Variants in FGF14 observed in about 807,000 individuals in gnomAD.
FGF14 encodes fibroblast growth factor homologous factor 4.
A neutral mutation model predicts 25.5 loss-of-function variants in FGF14; 5 were observed. The observed-to-expected ratio is 0.20, with a 90% CI of 0.10 to 0.41. The LOEUF (loss-of-function observed/expected upper bound fraction) is 0.41. Among genes scored for constraint, FGF14 ranks in the 10% least tolerant of loss-of-function variants. FGF14 has a pLI of 1.00. For synonymous variants in FGF14, 138 were observed against 118.3 expected (o/e 1.17, Z -1.08); for missense variants, 222 against 320.1 (o/e 0.69, Z 2.34).
At chr13:102,308,976 T>A (rs139957416) in intron 1 of FGF14, among the ~76,000 whole-genome samples, 3 of 147,998 alleles carry the variant, frequency 2.0e-5, no homozygotes, top group East Asian at 2.0e-4. Flanking sequence ...CTCCAAAGTA[T>A]CTGCAGAAAT....
chr13:102,387,058 A>G (rs1385872534), intron 1 of FGF14, among the ~76,000 whole-genome samples: 1 of 152,202 alleles, frequency 6.6e-6, no homozygotes, highest in African/African-American at 2.4e-5. Context: ...TATAAATACC[A>G]GTCTTATAAA....
intron 1 of FGF14, among the ~76,000 whole-genome samples, chr13:102,123,558 G>T (rs1439520106): frequency 1.3e-5 from 2 of 151,464 alleles, no homozygotes; most frequent in Non-Finnish European, 2.9e-5. Context: ...TTGAACCCAG[G>T]TGATCAAAAT....
chr13:101,793,217 T>A (rs34189458), intron 3 of FGF14, among the ~76,000 whole-genome samples: 6,506 of 152,224 alleles, frequency 0.043, 221 homozygotes, highest in African/African-American at 0.082. Flanking sequence ...TACCCTCTGT[T>A]TTCATGAGTG....
chr13:101,733,446 T>G (rs1594065207), intron 3 of FGF14, among the ~76,000 whole-genome samples: 1 of 152,016 alleles, frequency 6.6e-6, no homozygotes, highest in Non-Finnish European at 1.5e-5. Flanking sequence ...AATACCAAAA[T>G]TAGCTGGGCG....
chr13:101,726,667 C>G lies in FGF14; in HGVS notation c.552G>C (p.Gly184=), dbSNP rs1204741145. ...GLNKEGQAMK[G]NRVKKTKPAA... is the part of the protein sequence containing the mutation. ...CTGGTTTGGTTTTCTTTACTCTGTT[C>G]CCTTTCATAGCTTGCCCTTCCTTAT... The change falls in exon 4 of 5, where the codon GGG becomes GGC. Residue 184 remains glycine, a synonymous_variant. Transcript: ENST00000376143. The G allele has an allele frequency of 6.2e-7, 1 of 1,613,510 alleles. No homozygotes were observed. The highest frequency in any genetic ancestry group is 8.5e-7 in the Non-Finnish European group (1 of 1,179,682).
chr13:102,146,654 ATC>A (rs1275701682), intron 1 of FGF14, among the ~76,000 whole-genome samples: 1 of 152,180 alleles, frequency 6.6e-6, no homozygotes, highest in Non-Finnish European at 1.5e-5. Flanking sequence ...TCAATTCTGA[ATC>A]TCTTAACATC....
intron 1 of FGF14, among the ~76,000 whole-genome samples, chr13:102,059,603 C>A (rs2042586031): frequency 6.6e-6 from 1 of 152,208 alleles, no homozygotes; most frequent in Non-Finnish European, 1.5e-5. Context: ...GTAATCCCAG[C>A]ACTTTGGGAG....
chr13:102,318,989 C>G (rs1021184827), intron 1 of FGF14, among the ~76,000 whole-genome samples: 2 of 152,118 alleles, frequency 1.3e-5, no homozygotes, highest in Non-Finnish European at 2.9e-5. Flanking sequence ...TCATGATCAC[C>G]ATTGAGCATT....
chr13:101,935,983 T>C (rs954321710), intron 1 of FGF14, among the ~76,000 whole-genome samples: 1 of 152,190 alleles, frequency 6.6e-6, no homozygotes, highest in Non-Finnish European at 1.5e-5. Context: ...GACAGGTCAA[T>C]GAAGGGGAAA....
intron 1 of FGF14, among the ~76,000 whole-genome samples, chr13:102,375,901 T>C (rs182948555): frequency 6.6e-6 from 1 of 152,298 alleles, no homozygotes; most frequent in Non-Finnish European, 1.5e-5. Context: ...TTTGAATGTA[T>C]CTTCTTGAAT....
At chr13:102,062,490 C>T (rs1323116121) in intron 1 of FGF14, among the ~76,000 whole-genome samples, 2 of 152,010 alleles carry the variant, frequency 1.3e-5, no homozygotes, top group African/African-American at 4.8e-5. Context: ...ATACTCAAAC[C>T]CTTTTGTAAG....
chr13:102,401,352 G>A lies in FGF14; in HGVS notation c.208+119C>T, dbSNP rs2058700058. 7.5e-6 allele frequency: 7 copies of A among 933,198 alleles called. No homozygotes were observed. In the Admixed American group the frequency reaches 9.4e-5, roughly 13 times the overall value. The allele number at this position is 933,198 out of a possible 1,614,324, so 57.8% of individuals were successfully genotyped here. ...ATGCAACACCTCTATATGCAACACT[G>A]TCCTGGTTCCTGGTATGTTTCCCCT... is the stretch of plus-strand genomic sequence containing the variant. On this transcript the variant is annotated intron_variant, in intron 1 of 4. Transcript: ENST00000376131.
intron 1 of FGF14, among the ~76,000 whole-genome samples, chr13:102,161,626 AAGAAG>A (rs2047703264): frequency 2.8e-4 from 3 of 10,858 alleles, no homozygotes; most frequent in Non-Finnish European, 1.4e-4. Context: ...GAAGAAGAAG[AAGAAG>A]AAGAAGAAGA....
chr13:102,119,709 C>T (rs9554842), intron 1 of FGF14, among the ~76,000 whole-genome samples: 8,205 of 152,238 alleles, frequency 0.054, 846 homozygotes, highest in East Asian at 0.48. Flanking sequence ...TGTGCACACA[C>T]GTGTGTTCCC....
chr13:102,342,332 C>A (rs1018217460), intron 1 of FGF14, among the ~76,000 whole-genome samples: 2 of 152,000 alleles, frequency 1.3e-5, no homozygotes, highest in Non-Finnish European at 2.9e-5. Flanking sequence ...GGGAGGAAGG[C>A]ATTTTGGAAA....
At chr13:102,228,339 C>T (rs377571456) in intron 1 of FGF14, among the ~76,000 whole-genome samples, 5 of 152,116 alleles carry the variant, frequency 3.3e-5, no homozygotes, top group African/African-American at 1.2e-4. Flanking sequence ...GAAAACGAAA[C>T]AAACAGAACA....
chr13:102,130,219 A>G (rs1444941285), intron 1 of FGF14, among the ~76,000 whole-genome samples: 1 of 152,194 alleles, frequency 6.6e-6, no homozygotes, highest in Non-Finnish European at 1.5e-5. Context: ...TGTCTGACAA[A>G]AGGACTGGCA....
At chr13:102,162,621 A>G (rs1468199864) in intron 1 of FGF14, among the ~76,000 whole-genome samples, 7 of 152,210 alleles carry the variant, frequency 4.6e-5, no homozygotes, top group Non-Finnish European at 2.9e-5. Flanking sequence ...GATCTTAAAA[A>G]TATAACACAG....
At chr13:102,226,764 C>T (rs1224929634) in intron 1 of FGF14, among the ~76,000 whole-genome samples, 4 of 152,094 alleles carry the variant, frequency 2.6e-5, no homozygotes, top group African/African-American at 4.8e-5. Flanking sequence ...ATGTCTGCAG[C>T]CCACTTAAGC....
Sources: allele counts gnomAD v4.1 joint callset (sites outside exome capture counted in the v4.1 genomes callset), GRCh38; gene constraint gnomAD v4.1.1; transcripts MANE v1.5; gene names NCBI Gene and HGNC (gene_info 2026-07-23, HGNC 2026-07-21).